SNX18: variants seen among roughly 807,000 people sequenced by gnomAD.
SNX18 encodes sorting nexin 18.
In SNX18, 35 loss-of-function variants were observed where a neutral mutation model predicts 48.7. The ratio of observed to expected loss-of-function variants is 0.72; its 90% confidence interval spans 0.55 to 0.95. The LOEUF is 0.95. Among genes scored for constraint, SNX18 ranks in the 40% least tolerant of loss-of-function variants. The pLI is 0.00. For synonymous variants in SNX18, 492 were observed against 384.7 expected (o/e 1.28, Z -3.26); for missense variants, 824 against 871.0 (o/e 0.95, Z 0.68).
chr5:54,544,871 A>C lies in SNX18; in HGVS notation c.*1439A>C, dbSNP rs1047465335. 6.6e-6 allele frequency: 1 copy of C among 152,162 alleles called. No homozygotes were observed. Among genetic ancestry groups the C allele is most frequent in the Non-Finnish European group, 1.5e-5 (1 of 68,014 alleles). 9.4% of individuals were successfully genotyped at this position (152,162 alleles called of 1,614,324 possible). On this transcript the variant is annotated 3_prime_UTR_variant, in exon 2 of 2. Coordinates refer to ENST00000381410, the MANE Select transcript of SNX18 (RefSeq NM_001102575.2). The stretch of plus-strand genomic sequence containing the variant: ...AAAAATTGTCACTGTTAGAGTATCT[A>C]CTGTTTTTATGAAGTCAAACTTATG...
chr5:54,534,243 T>C (rs1172758291), intron 1 of SNX18, among the ~76,000 whole-genome samples: 2 of 151,628 alleles, frequency 1.3e-5, no homozygotes, highest in African/African-American at 4.8e-5. Context: ...TTTTCTTTTT[T>C]TTTTTTTTAA....
At chr5:54,624,737 G>A in the SNX18 span, among the ~76,000 whole-genome samples, 1 of 152,162 alleles carries the variant, frequency 6.6e-6, no homozygotes, top group African/African-American at 2.4e-5. Flanking sequence ...CCTTTTAATA[G>A]AGTATGTCAA....
At chr5:54,645,186 G>C in the SNX18 span, 8 of 152,290 alleles carry the variant, frequency 5.3e-5, no homozygotes, top group Admixed American at 1.3e-4. Flanking sequence ...ATAACCATAG[G>C]ATAAAACAAC....
chr5:54,525,120 G>A (rs912635011), intron 1 of SNX18, among the ~76,000 whole-genome samples: 3 of 152,238 alleles, frequency 2.0e-5, no homozygotes, highest in Admixed American at 1.3e-4. Context: ...TTTAACCTGC[G>A]TAACGCTCAC....
chr5:54,519,097 C>T lies in SNX18; in HGVS notation c.1145C>T (p.Pro382Leu). Reference protein sequence around the residue: ...CDVFQHFLTCPSSTDEKAWKQ... With the variant: ...CDVFQHFLTCLSSTDEKAWKQ... The stretch of plus-strand genomic sequence containing the variant: ...GTCTTCCAGCACTTCCTGACGTGCC[C>T]CAGCAGCACCGACGAGAAAGCCTGG... Residue 382 changes from proline (P) to leucine (L), a missense_variant, in exon 1 of 2, where the codon CCC becomes CTC. Coordinates refer to ENST00000381410, the MANE Select transcript of SNX18 (RefSeq NM_001102575.2). 1 of 1,614,092 alleles carries T rather than the reference C, an allele frequency of 6.2e-7. No individual in the cohort carries two copies. The highest frequency in any genetic ancestry group is 2.2e-5 in the East Asian group (1 of 44,854).
chr5:54,542,082 G>A (rs1561122305), intron 1 of SNX18, among the ~76,000 whole-genome samples: 1 of 152,154 alleles, frequency 6.6e-6, no homozygotes, highest in Non-Finnish European at 1.5e-5. Flanking sequence ...ATGGTTTAGT[G>A]GAATGAGTGC....
chr5:54,602,536 A>T, the SNX18 span, among the ~76,000 whole-genome samples: 14 of 152,178 alleles, frequency 9.2e-5, no homozygotes, highest in Non-Finnish European at 1.6e-4. Flanking sequence ...AGGAGTGTGC[A>T]GCAACTTCAG....
At position 54,518,141 on chromosome 5, in the gene SNX18, G is replaced by A. The variant is rs1761908726; in HGVS notation, c.189G>A (p.Glu63=). 2.8e-6 allele frequency: 4 copies of A among 1,411,682 alleles called. No individual in the cohort carries two copies. The highest frequency in any genetic ancestry group is 1.5e-5 in the African/African-American group (1 of 66,364). 87.4% of individuals were successfully genotyped at this position (1,411,682 alleles called of 1,614,324 possible). ...ATGTGCAGGTGATCCGCGCCCCCGA[G>A]CCTGGCCCGGCGGGAGACGGCGGCC... ...ASYVQVIRAP[E]PGPAGDGGPG... Residue 63 remains glutamate, a synonymous_variant, in exon 1 of 2, where the codon GAG becomes GAA. Coordinates refer to ENST00000381410, the MANE Select transcript of SNX18 (RefSeq NM_001102575.2).
the SNX18 span, among the ~76,000 whole-genome samples, chr5:54,577,049 C>G: frequency 6.6e-6 from 1 of 152,160 alleles, no homozygotes; most frequent in African/African-American, 2.4e-5. Context: ...GATCCACCCA[C>G]CTTGGCATCC....
Position 54,543,322 on chromosome 5 carries a change from G to A in SNX18, c.1765G>A (p.Val589Met). Residue 589 changes from valine to methionine, a missense_variant, in exon 2 of 2, where the codon GTG becomes ATG. By Grantham distance (21) the Val-to-Met change is conservative (BLOSUM62 1). This residue lies in a region of SNX18 where 443 missense variants were observed against 503.6 expected (regional missense o/e 0.88). Coordinates refer to ENST00000381410, the MANE Select transcript of SNX18 (RefSeq NM_001102575.2). Reference protein sequence around the residue: ...AEIHHFHQIRVRDFKSQMQHF... With the variant: ...AEIHHFHQIRMRDFKSQMQHF... ...AATTCACCACTTCCATCAAATTCGA[G>A]TGAGAGACTTTAAATCACAGATGCA... 2.5e-6 allele frequency: 4 copies of A among 1,614,136 alleles called. No homozygotes were observed. The highest frequency in any genetic ancestry group is 3.4e-6 in the Non-Finnish European group (4 of 1,180,038).
the SNX18 span, among the ~76,000 whole-genome samples, chr5:54,602,545 AG>A: frequency 3.9e-5 from 6 of 152,314 alleles, no homozygotes; most frequent in African/African-American, 1.4e-4. Context: ...CAGCAACTTC[AG>A]GGTGGACTTC....
At chr5:54,521,263 A>G (rs932409191) in intron 1 of SNX18, among the ~76,000 whole-genome samples, 15 of 152,238 alleles carry the variant, frequency 9.9e-5, no homozygotes, top group African/African-American at 3.4e-4. Context: ...TGTCTACTTT[A>G]GGTTGGCATC....
At chr5:54,557,489 A>G in the SNX18 span, among the ~76,000 whole-genome samples, 1 of 152,258 alleles carries the variant, frequency 6.6e-6, no homozygotes, top group Non-Finnish European at 1.5e-5. Flanking sequence ...AGAGGAATCT[A>G]AAAGATCGAT....
chr5:54,531,797 C>T (rs185296950), intron 1 of SNX18, among the ~76,000 whole-genome samples: 2 of 152,244 alleles, frequency 1.3e-5, no homozygotes, highest in Non-Finnish European at 2.9e-5. Flanking sequence ...GCCTCGTGAT[C>T]GTGAAGGGAT....
At chr5:54,533,654 A>G (rs552457908) in intron 1 of SNX18, among the ~76,000 whole-genome samples, 15 of 152,328 alleles carry the variant, frequency 9.8e-5, no homozygotes, top group African/African-American at 2.9e-4. Flanking sequence ...AATGGTGGCA[A>G]TGATTACTTT....
chr5:54,531,539 A>G (rs1436867235), intron 1 of SNX18, among the ~76,000 whole-genome samples: 2 of 152,226 alleles, frequency 1.3e-5, no homozygotes, highest in Non-Finnish European at 2.9e-5. Context: ...TAGTGTGGAT[A>G]ATCTGTAAAT....
the SNX18 span, among the ~76,000 whole-genome samples, chr5:54,564,930 G>T: frequency 6.6e-6 from 1 of 152,196 alleles, no homozygotes; most frequent in Non-Finnish European, 1.5e-5. Flanking sequence ...ATGTGGGAGG[G>T]TCTAGGGTAA....
the SNX18 span, among the ~76,000 whole-genome samples, chr5:54,614,473 A>G: frequency 6.6e-6 from 1 of 152,214 alleles, no homozygotes; most frequent in Non-Finnish European, 1.5e-5. Context: ...TATAATATAC[A>G]TGTTCTTTCT....
chr5:54,642,429 G>T, the SNX18 span, among the ~76,000 whole-genome samples: 1 of 151,772 alleles, frequency 6.6e-6, no homozygotes, highest in South Asian at 2.1e-4. Context: ...ACTGTCAAAG[G>T]CTCATTCCAC....
Sources: allele counts gnomAD v4.1 joint callset (sites outside exome capture counted in the v4.1 genomes callset), GRCh38; gene constraint gnomAD v4.1.1; regional missense constraint gnomAD v4.1.1; transcripts MANE v1.5; gene names NCBI Gene and HGNC (gene_info 2026-07-23, HGNC 2026-07-21).